The following MAGI1 variants were observed in gnomAD, a reference collection of about 807,000 sequenced individuals.
The protein encoded by MAGI1 is membrane-associated guanylate kinase, WW and PDZ domain-containing protein 1.
A neutral mutation model predicts 139.9 loss-of-function variants in MAGI1; 58 were observed. The ratio of observed to expected loss-of-function variants is 0.41; its 90% CI spans 0.34 to 0.52. The LOEUF (loss-of-function observed/expected upper bound fraction) is 0.52, where lower values mean the gene tolerates loss of function less well. Among genes scored for constraint, MAGI1 ranks in the 20% least tolerant of loss-of-function variants. The pLI, the probability that MAGI1 is intolerant of heterozygous loss-of-function variation, is 0.12. For synonymous variants in MAGI1, 812 were observed against 737.9 expected, an observed-to-expected ratio of 1.10 and a Z score of -1.63; for missense variants, 1,874 against 1,901.6, an observed-to-expected ratio of 0.99 and a Z score of 0.27.
In MAGI1 at chr3:65,859,732, A is replaced by C. The variant is rs529086868; in HGVS notation, c.313+178264T>G. On this transcript the variant is annotated intron_variant, in intron 1 of 22. Transcript: ENST00000402939. ...CAAGACTCCATCTCAAAAAAACAAA[A>C]AAAAAAAACTTTAAGGAAGCAGATA... Among the ~76,000 whole-genome samples, 13 of 151,946 alleles carry C rather than the reference A, an allele frequency of 8.6e-5. No individual in the cohort carries two copies. The East Asian group carries it at 2.3e-3, about 27-fold the overall frequency.
intron 12 of MAGI1, among the ~76,000 whole-genome samples, chr3:65,407,891 T>TA (rs1487076952): frequency 8.5e-5 from 13 of 152,172 alleles, no homozygotes; most frequent in Non-Finnish European, 1.2e-4. Context: ...AGTGCTAGAT[T>TA]AAAAAACAAC....
chr3:65,594,976 A>G (rs887510036), intron 2 of MAGI1, among the ~76,000 whole-genome samples: 11 of 152,236 alleles, frequency 7.2e-5, no homozygotes, highest in Admixed American at 6.5e-5. Flanking sequence ...TTAAACAGGC[A>G]GTTTCAGTCG....
chr3:65,650,153 G>A (rs1044848588), intron 1 of MAGI1, among the ~76,000 whole-genome samples: 5 of 152,168 alleles, frequency 3.3e-5, no homozygotes, highest in Admixed American at 2.6e-4. Flanking sequence ...TGCACCTCAT[G>A]CTCTTGCATA....
chr3:65,912,197 T>C (rs553226336), intron 1 of MAGI1, among the ~76,000 whole-genome samples: 1 of 150,382 alleles, frequency 6.6e-6, no homozygotes, highest in South Asian at 2.1e-4. Flanking sequence ...AAACAATGCA[T>C]TACTTCAGGT....
chr3:65,406,698 C>T (rs1945365788), intron 12 of MAGI1, among the ~76,000 whole-genome samples: 3 of 147,472 alleles, frequency 2.0e-5, no homozygotes, highest in African/African-American at 7.4e-5. Context: ...AACTGAAAAA[C>T]TGTCCTGGAG....
intron 1 of MAGI1, among the ~76,000 whole-genome samples, chr3:65,845,068 T>C (rs1016218547): frequency 6.6e-6 from 1 of 152,006 alleles, no homozygotes; most frequent in African/African-American, 2.4e-5. Context: ...CTGGCCAATA[T>C]GGTGAAACCC....
intron 1 of MAGI1, among the ~76,000 whole-genome samples, chr3:65,888,563 A>G (rs779624417): frequency 1.5e-4 from 23 of 152,342 alleles, no homozygotes; most frequent in Middle Eastern, 3.4e-3. Flanking sequence ...ATTTTTAATG[A>G]CATTAGAAAT....
At chr3:65,535,302 T>C (rs1213613392) in intron 2 of MAGI1, among the ~76,000 whole-genome samples, 1 of 152,192 alleles carries the variant, frequency 6.6e-6, no homozygotes, top group Non-Finnish European at 1.5e-5. Flanking sequence ...TATTGTTAAC[T>C]TTGAAGAAGC....
At chr3:65,368,244 T>C (rs1941627418) in intron 18 of MAGI1, among the ~76,000 whole-genome samples, 1 of 152,206 alleles carries the variant, frequency 6.6e-6, no homozygotes, top group Admixed American at 6.5e-5. Context: ...GGTGTCAATG[T>C]ATTTGACTTT....
chr3:65,889,817 T>A (rs2060672174), intron 1 of MAGI1, among the ~76,000 whole-genome samples: 1 of 152,052 alleles, frequency 6.6e-6, no homozygotes. Context: ...GGGAGCCACC[T>A]GAGCCAACAC....
intron 1 of MAGI1, among the ~76,000 whole-genome samples, chr3:65,666,135 T>C (rs2086504322): frequency 6.6e-6 from 1 of 152,176 alleles, no homozygotes; most frequent in Admixed American, 6.5e-5. Context: ...CACTGACTCA[T>C]GTTGATCAGT....
intron 1 of MAGI1, among the ~76,000 whole-genome samples, chr3:65,981,558 G>A (rs1269460712): frequency 6.6e-6 from 1 of 152,164 alleles, no homozygotes; most frequent in Non-Finnish European, 1.5e-5. Context: ...TTAGATATAT[G>A]TGGTTAGTAC....
chr3:65,425,013 T>C (rs549642573), intron 12 of MAGI1, among the ~76,000 whole-genome samples: 2 of 150,550 alleles, frequency 1.3e-5, no homozygotes, highest in African/African-American at 4.9e-5. Flanking sequence ...GAGTTTGAGG[T>C]TGTGATGGGC....
intron 3 of MAGI1, among the ~76,000 whole-genome samples, chr3:65,487,101 A>T (rs576089242): frequency 6.6e-6 from 1 of 152,342 alleles, no homozygotes; most frequent in South Asian, 2.1e-4. Flanking sequence ...ATGAAATGCA[A>T]GACAGGGTGT....
rs1302081882 is a variant in MAGI1 at position 65,946,400 on chromosome 3, C to G, written c.313+91596G>C. 2.6e-5 allele frequency among the ~76,000 whole-genome samples: 4 copies of G among 152,242 alleles called. No individual in the cohort carries two copies. The East Asian group carries it at 5.8e-4, about 22-fold the overall frequency. Reference sequence around the variant, plus strand: ...TTTTCTGCATTTCATCATTTATTTCCTGGTTTGGAATATTAAAACTTTGCT... The same window carrying G: ...TTTTCTGCATTTCATCATTTATTTCGTGGTTTGGAATATTAAAACTTTGCT... On this transcript the variant is annotated intron_variant, in intron 1 of 22. Coordinates refer to ENST00000402939, the MANE Select transcript of MAGI1 (RefSeq NM_001033057.2).
In MAGI1 at chr3:65,356,692, G is replaced by A. The variant is rs1330856053; in HGVS notation, c.4075C>T (p.Pro1359Ser). ...GGGGAGCCGTCTCTCCTGCGGGTGG[G>A]TGACCGCTCTCGCCTCCGCTCCGGA... ...VSPERRRERSPTRRRDGSPSR... is the reference protein window; with the variant it reads ...VSPERRRERSSTRRRDGSPSR... The change falls in exon 23 of 23, where the codon CCC (proline) becomes TCC (serine). Residue 1359 changes from proline (P) to serine (S), a missense_variant. Around this residue, in one of 5 missense-constraint regions of MAGI1, gnomAD observed 653 missense variants for 644.5 expected, o/e 1.01. Transcript: ENST00000402939. The A allele has an allele frequency of 1.9e-6, 3 of 1,592,686 alleles. No homozygotes were observed. The highest frequency in any genetic ancestry group is 2.6e-6 in the Non-Finnish European group (3 of 1,169,966).
chr3:65,894,748 C>G (rs940625081), intron 1 of MAGI1, among the ~76,000 whole-genome samples: 7 of 152,232 alleles, frequency 4.6e-5, no homozygotes, highest in Admixed American at 4.6e-4. Context: ...CAAACTCCAT[C>G]TGATGCCAAA....
intron 1 of MAGI1, among the ~76,000 whole-genome samples, chr3:65,991,860 C>T (rs1330732945): frequency 2.0e-5 from 3 of 151,904 alleles, no homozygotes; most frequent in East Asian, 3.9e-4. Flanking sequence ...ACTAAAAATA[C>T]AAAAGTTAGC....
intron 1 of MAGI1, among the ~76,000 whole-genome samples, chr3:65,717,317 A>T (rs1188909223): frequency 6.6e-6 from 1 of 152,202 alleles, no homozygotes; most frequent in African/African-American, 2.4e-5. Context: ...AACATGTCTG[A>T]TGATCACAAC....
Sources: allele counts gnomAD v4.1 joint callset (sites outside exome capture counted in the v4.1 genomes callset), GRCh38; gene constraint gnomAD v4.1.1; regional missense constraint gnomAD v4.1.1; transcripts MANE v1.5; gene names NCBI Gene and HGNC (gene_info 2026-07-23, HGNC 2026-07-21).